ZNF721: variants seen among roughly 807,000 people sequenced by gnomAD.
ZNF721 encodes zinc finger protein 721.
A neutral mutation model predicts 2.4 loss-of-function variants in ZNF721; 2 were observed. That is an observed-to-expected ratio of 0.82 (90% CI 0.34 to 2.58). The LOEUF is 2.58. ZNF721 is among the 30% of genes most tolerant of loss of function. The pLI, the probability that ZNF721 is intolerant of heterozygous loss-of-function variation, is 0.11. For missense variants in ZNF721, 1,187 were observed against 1,085.5 expected, an observed-to-expected ratio of 1.09 and a Z score of -1.31; for synonymous variants, 398 against 381.8, an observed-to-expected ratio of 1.04 and a Z score of -0.50.
chr4:443,914 T>C lies in ZNF721; in HGVS notation c.553A>G (p.Arg185Gly). Residue 185 changes from arginine to glycine, a missense_variant, in exon 3 of 3, where the codon AGA becomes GGA. By Grantham distance (125) the Arg-to-Gly change is moderately radical. Coordinates refer to ENST00000511833, the MANE Select transcript of ZNF721 (RefSeq NM_133474.4). Reference sequence around the variant, plus strand: ...TAAGCTTTCTCTCTGTTGTGAATTCTCTTATGTGCAGTAAGGTTTGTTGAC... The same window carrying C: ...TAAGCTTTCTCTCTGTTGTGAATTCCCTTATGTGCAGTAAGGTTTGTTGAC... The part of the protein sequence containing the change: ...NRSTNLTAHK[R>G]IHNREKAYTG... 3.7e-6 allele frequency: 6 copies of C among 1,614,162 alleles called. No homozygotes were observed. Among genetic ancestry groups the C allele is most frequent in the Non-Finnish European group, 5.1e-6 (6 of 1,180,012 alleles).
At chr4:492,812 C>T (rs1716057611) in intron 1 of ZNF721, among the ~76,000 whole-genome samples, 1 of 149,676 alleles carries the variant, frequency 6.7e-6, no homozygotes, top group Non-Finnish European at 1.5e-5. Context: ...AACAAAAAAC[C>T]TCACTTTATT....
At chr4:481,415 C>A (rs1715766514) in intron 1 of ZNF721, among the ~76,000 whole-genome samples, 1 of 152,170 alleles carries the variant, frequency 6.6e-6, no homozygotes, top group Admixed American at 6.5e-5. Flanking sequence ...CTTTCCATTT[C>A]TCTCAAAAAC....
intron 2 of ZNF721, among the ~76,000 whole-genome samples, chr4:471,133 T>C (rs564107079): frequency 1.3e-5 from 2 of 152,132 alleles, no homozygotes; most frequent in African/African-American, 4.8e-5. Context: ...CCCAAAGACA[T>C]ACATACAAGG....
chr4:487,724 G>A (rs1471600991), intron 1 of ZNF721, among the ~76,000 whole-genome samples: 1 of 152,200 alleles, frequency 6.6e-6, no homozygotes, highest in Non-Finnish European at 1.5e-5. Flanking sequence ...AAGTGAGGCA[G>A]GAGAATAGGG....
chr4:491,015 C>T (rs1379265760), intron 1 of ZNF721, among the ~76,000 whole-genome samples: 1 of 152,156 alleles, frequency 6.6e-6, no homozygotes, highest in Non-Finnish European at 1.5e-5. Flanking sequence ...GCTCTTCCTC[C>T]TCCTCAGTAT....
chr4:479,776 T>C (rs1715728488), intron 1 of ZNF721, among the ~76,000 whole-genome samples: 1 of 152,238 alleles, frequency 6.6e-6, no homozygotes, highest in Non-Finnish European at 1.5e-5. Flanking sequence ...CAGAGGATTG[T>C]GCCAGTGTCT....
Position 478,268 on chromosome 4 carries a change from ATTCTACT to A in ZNF721, c.-93-5574_-93-5568del, listed in dbSNP as rs1454731736. 3.3e-5 allele frequency among the ~76,000 whole-genome samples: 5 copies of A among 152,188 alleles called. No individual in the cohort carries two copies. The East Asian group carries it at 9.6e-4, about 29-fold the overall frequency. The stretch of plus-strand genomic sequence containing the variant: ...CCTCCCTCAGCTCTTGACAAACACC[ATTCTACT>A]TTCTGTTTTTATGAGTAGACTACTA... On this transcript the variant is annotated intron_variant, in intron 1 of 2. Coordinates refer to ENST00000511833, the MANE Select transcript of ZNF721 (RefSeq NM_133474.4).
At chr4:476,000 C>G (rs972813513) in intron 1 of ZNF721, among the ~76,000 whole-genome samples, 1 of 152,294 alleles carries the variant, frequency 6.6e-6, no homozygotes, top group Admixed American at 6.5e-5. Flanking sequence ...TGATACTTCT[C>G]AAACTTTTTT....
chr4:488,488 G>T (rs1455862723), intron 1 of ZNF721, among the ~76,000 whole-genome samples: 1 of 152,154 alleles, frequency 6.6e-6, no homozygotes, highest in Non-Finnish European at 1.5e-5. Flanking sequence ...AAGACATGGT[G>T]GTCTCTCTTC....
chr4:469,847 T>C (rs1385698722), intron 2 of ZNF721, among the ~76,000 whole-genome samples: 3 of 152,164 alleles, frequency 2.0e-5, no homozygotes, highest in Admixed American at 2.0e-4. Flanking sequence ...CAATACATGG[T>C]GCTAGAAAAA....
chr4:461,328 C>G (rs1188615113), intron 2 of ZNF721, among the ~76,000 whole-genome samples: 1 of 152,168 alleles, frequency 6.6e-6, no homozygotes, highest in Non-Finnish European at 1.5e-5. Context: ...TAATCAATTA[C>G]ATAAACAGAA....
chr4:488,657 G>A (rs1377268376), intron 1 of ZNF721, among the ~76,000 whole-genome samples: 6 of 151,890 alleles, frequency 4.0e-5, no homozygotes, highest in Admixed American at 1.3e-4. Flanking sequence ...CTGTGAAACC[G>A]CATCTCTACT....
intron 1 of ZNF721, among the ~76,000 whole-genome samples, chr4:478,088 G>T (rs995626612): frequency 6.6e-6 from 1 of 152,132 alleles, no homozygotes; most frequent in Non-Finnish European, 1.5e-5. Flanking sequence ...AACTCTCAGG[G>T]CAGTTTTCAA....
intron 2 of ZNF721, among the ~76,000 whole-genome samples, chr4:453,057 A>G (rs1244440704): frequency 3.9e-5 from 6 of 152,210 alleles, no homozygotes; most frequent in African/African-American, 1.4e-4. Context: ...CCTTTAAAAA[A>G]CTAAGCCCAG....
At chr4:496,097 G>GT (rs1341194449) in intron 1 of ZNF721, among the ~76,000 whole-genome samples, 11 of 152,102 alleles carry the variant, frequency 7.2e-5, no homozygotes, top group Non-Finnish European at 1.6e-4. Context: ...TCTTTTCTCT[G>GT]TTTTTTCCTT....
intron 2 of ZNF721, among the ~76,000 whole-genome samples, chr4:448,201 AG>A (rs1296944323): frequency 1.3e-5 from 2 of 152,148 alleles, no homozygotes; most frequent in African/African-American, 4.8e-5. Context: ...CAAATTTTAC[AG>A]ATTTCTTTTA....
intron 1 of ZNF721, among the ~76,000 whole-genome samples, chr4:481,909 G>GT (rs1368547273): frequency 6.6e-6 from 1 of 152,164 alleles, no homozygotes; most frequent in East Asian, 1.9e-4. Flanking sequence ...ATAAAATTAT[G>GT]TAAGTTTAAT....
chr4:497,812 G>A (rs1275794963), intron 1 of ZNF721, among the ~76,000 whole-genome samples: 2 of 152,076 alleles, frequency 1.3e-5, no homozygotes, highest in East Asian at 3.9e-4. Flanking sequence ...GTAGGAAAAT[G>A]GCGTGAACCC....
In ZNF721 at chr4:443,438, T is replaced by C. The variant is rs782349365; in HGVS notation, c.1029A>G (p.Arg343=). The change falls in exon 3 of 3, where the codon AGA becomes AGG. Residue 343 remains arginine (R), a synonymous_variant. Coordinates refer to ENST00000511833, the MANE Select transcript of ZNF721 (RefSeq NM_133474.4). Reference sequence around the variant, plus strand: ...TATGTACGTAAAGGTTTGCGGACTGTCTAAAGGTTTTGCCACATTCTCCAC... The same window carrying C: ...TATGTACGTAAAGGTTTGCGGACTGCCTAAAGGTTTTGCCACATTCTCCAC... ...YTCGECGKTF[R]QSANLYVHRR... is the part of the protein sequence containing the mutation. 3.7e-6 allele frequency: 6 copies of C among 1,612,148 alleles called. No individual in the cohort carries two copies. The highest frequency in any genetic ancestry group is 3.3e-5 in the Admixed American group (2 of 59,940).
Sources: gnomAD v4.1 joint callset for allele counts (sites outside exome capture counted in the v4.1 genomes callset) on GRCh38, gnomAD v4.1.1 for gene constraint, MANE v1.5 for transcripts, NCBI Gene and HGNC (gene_info 2026-07-23, HGNC 2026-07-21) for gene names.